PIEZO1: variants seen among roughly 807,000 people sequenced by gnomAD.
The protein encoded by PIEZO1 is piezo-type mechanosensitive ion channel component 1.
A neutral mutation model predicts 297.2 loss-of-function variants in PIEZO1; 296 were observed. That is an observed-to-expected ratio of 1.00 (90% confidence interval 0.91 to 1.10). The LOEUF is 1.10. Ranked by LOEUF, PIEZO1 falls within the 50% of genes least tolerant of loss-of-function variation. PIEZO1 has a pLI of 0.00. For missense variants in PIEZO1, 5,018 were observed against 3,455.5 expected (o/e 1.45, Z -11.34); for synonymous variants, 2,427 against 1,507.5 (o/e 1.61, Z -14.13).
intron 21 of PIEZO1, among the ~76,000 whole-genome samples, 177 bp from the exon 22 acceptor site, chr16:88,732,087 T>C (rs904040674): frequency 9.9e-5 from 15 of 151,934 alleles, no homozygotes; most frequent in African/African-American, 3.1e-4. Context: ...GTTGCCATCG[T>C]GCAGGGGAAA....
At chr16:88,773,491 G>C (rs1220085299) in intron 1 of PIEZO1, among the ~76,000 whole-genome samples, 1 of 152,234 alleles carries the variant, frequency 6.6e-6, no homozygotes, top group Non-Finnish European at 1.5e-5. Flanking sequence ...GGCCTCACTA[G>C]GGGAAGGGTG....
intron 37 of PIEZO1, 23 bp from the exon 38 acceptor site, chr16:88,721,749 C>G (rs936451685): frequency 6.5e-7 from 1 of 1,535,238 alleles, no homozygotes; most frequent in Admixed American, 2.0e-5. Flanking sequence ...GGGCTCAGCA[C>G]GCGGGGAGGG....
chr16:88,759,914 C>T (rs1394464617), intron 1 of PIEZO1, among the ~76,000 whole-genome samples: 1 of 152,150 alleles, frequency 6.6e-6, no homozygotes, highest in Non-Finnish European at 1.5e-5. Flanking sequence ...TGGGGGGCTC[C>T]CCCAATGGAG....
Position 88,716,906 on chromosome 16 carries a change from A to AGGCACGGG in PIEZO1, c.6661-16_6661-9dup, listed in dbSNP as rs1567657174. ...GCTCATGGTGAACAGCGGCTGGGGCAGGCACGGGGACACGGGGCCACGAAG... is the reference window on the plus strand; with the variant it reads ...GCTCATGGTGAACAGCGGCTGGGGCAGGCACGGGGGCACGGGGACACGGGGCCACGAAG... On this transcript the variant is annotated splice_polypyrimidine_tract_variant and intron_variant, in intron 45 of 50. Transcript: ENST00000301015. The AGGCACGGG allele has an allele frequency of 3.2e-6, 5 of 1,549,450 alleles. No individual in the cohort carries two copies. Among genetic ancestry groups the AGGCACGGG allele is most frequent in the East Asian group, 2.4e-5 (1 of 40,904 alleles).
chr16:88,741,259 T>G, intron 5 of PIEZO1: 5 of 488,764 alleles, frequency 1.0e-5, no homozygotes, highest in South Asian at 5.8e-5. Context: ...GCGTGGAGGT[T>G]TCTGACTAGA....
chr16:88,754,711 G>A (rs965544049), intron 1 of PIEZO1, among the ~76,000 whole-genome samples: 24 of 152,326 alleles, frequency 1.6e-4, no homozygotes, highest in African/African-American at 4.6e-4. Context: ...GGGGGGCTCC[G>A]TGAAACAGCC....
Position 88,722,999 on chromosome 16 carries a change from A to G in PIEZO1, c.4506T>C (p.His1502=), listed in dbSNP as rs897871083. The change falls in exon 34 of 51, where the codon CAT becomes CAC. Residue 1502 remains histidine (H), a synonymous_variant. Coordinates refer to ENST00000301015, the MANE Select transcript of PIEZO1 (RefSeq NM_001142864.4). ...CCGTGCTCAGCACCCTCTGCACCAC[A>G]TGGCTCCGGCCTGCGGGAGGGCGGG... ...GPEEAAAGRS[H]VVQRVLSTAQ... 1.6e-6 allele frequency: 2 copies of G among 1,235,038 alleles called. No homozygotes were observed. Among genetic ancestry groups the G allele is most frequent in the Non-Finnish European group, 2.2e-6 (2 of 914,314 alleles). 76.5% of individuals were successfully genotyped at this position (1,235,038 alleles called of 1,614,324 possible).
At chr16:88,771,320 A>G (rs1048609145) in intron 1 of PIEZO1, among the ~76,000 whole-genome samples, 2 of 152,112 alleles carry the variant, frequency 1.3e-5, no homozygotes, top group African/African-American at 4.8e-5. Flanking sequence ...CACCGGCCCA[A>G]TGGTGCTCAG....
At position 88,726,822 on chromosome 16, in the gene PIEZO1, G is replaced by C; in HGVS notation, c.3592C>G (p.Leu1198Val). ...CTCTGCAGCAGGGCCGTGCCGAAGAGCAGCAGGTAGAAGCAGGCCAGCAGG... is the reference window on the plus strand; with the variant it reads ...CTCTGCAGCAGGGCCGTGCCGAAGACCAGCAGGTAGAAGCAGGCCAGCAGG... ...GYLLACFYLLLFGTALLQRDT... is the reference protein window; with the variant it reads ...GYLLACFYLLVFGTALLQRDT... Residue 1198 changes from leucine to valine, a missense_variant, in exon 25 of 51, where the codon CTC (leucine) becomes GTC (valine). By Grantham distance (32) the Leu-to-Val change is conservative. Coordinates refer to ENST00000301015, the MANE Select transcript of PIEZO1 (RefSeq NM_001142864.4). 3 of 1,550,372 alleles carry C rather than the reference G, an allele frequency of 1.9e-6. No homozygotes were observed. The highest frequency in any genetic ancestry group is 1.2e-5 in the South Asian group (1 of 84,066).
At chr16:88,776,715 G>A (rs185941863) in intron 1 of PIEZO1, among the ~76,000 whole-genome samples, 44 of 152,346 alleles carry the variant, frequency 2.9e-4, no homozygotes, top group Admixed American at 1.6e-3. Flanking sequence ...ACCGCAGAAG[G>A]GCCAGGGCTT....
In PIEZO1 at chr16:88,733,680, G is replaced by C. The variant is rs750230820; in HGVS notation, c.2395C>G (p.Leu799Val). The stretch of plus-strand genomic sequence containing the variant: ...CGCAGGAACACCTGCACGCGTGAGA[G>C]GACGTCCGAGAAGCCGGCTGCCAGC... Reference protein sequence around the residue: ...LELAAGFSDVLSRVQVFLRRL... With the variant: ...LELAAGFSDVVSRVQVFLRRL... The change falls in exon 18 of 51, where the codon CTC becomes GTC. Residue 799 changes from leucine to valine, a missense_variant. By Grantham distance (32) the Leu-to-Val change is conservative (BLOSUM62 1). Transcript: ENST00000301015. 14 of 1,549,580 alleles carry C rather than the reference G, an allele frequency of 9.0e-6. No individual in the cohort carries two copies. The Admixed American group carries it at 1.8e-4, about 20-fold the overall frequency.
chr16:88,716,291 C>G lies in PIEZO1; in HGVS notation c.7050-14G>C, dbSNP rs368483543. 112 of 1,489,160 alleles carry G rather than the reference C, an allele frequency of 7.5e-5. 1 individual carries two copies. In the African/African-American group the frequency reaches 1.2e-3, roughly 16 times the overall value. 92.2% of individuals were successfully genotyped at this position (1,489,160 alleles called of 1,614,324 possible). ...TTAGGGATGACCCTGCAGGGAGGTG[C>G]TGGCAGGTCAGGCCTGGCCCAGCCA... On this transcript the variant is annotated splice_polypyrimidine_tract_variant and intron_variant, in intron 48 of 50. Transcript: ENST00000301015.
intron 1 of PIEZO1, among the ~76,000 whole-genome samples, chr16:88,755,497 C>A (rs941632298): frequency 6.6e-6 from 1 of 152,238 alleles, no homozygotes; most frequent in Non-Finnish European, 1.5e-5. Flanking sequence ...TCCCAGGGCA[C>A]GATACGAGCC....
intron 1 of PIEZO1, among the ~76,000 whole-genome samples, chr16:88,751,611 C>G (rs1289137737): frequency 6.6e-6 from 1 of 152,124 alleles, no homozygotes; most frequent in Non-Finnish European, 1.5e-5. Context: ...ATTAACGCAC[C>G]AAGCATAGCC....
At chr16:88,732,857 G>T (rs1033942199) in intron 19 of PIEZO1, 125 bp from the exon 20 acceptor site, 25 of 993,220 alleles carry the variant, frequency 2.5e-5, no homozygotes, top group Middle Eastern at 3.3e-4. Flanking sequence ...CACGGGGGCT[G>T]CCAGCCTTGG....
intron 1 of PIEZO1, among the ~76,000 whole-genome samples, chr16:88,782,500 C>G (rs570318288): frequency 3.3e-5 from 5 of 152,170 alleles, no homozygotes; most frequent in Non-Finnish European, 5.9e-5. Flanking sequence ...GGCCCCTGCT[C>G]CCTGTGGGTG....
rs369984930 is a variant in PIEZO1 at position 88,751,915 on chromosome 16, T to C, written c.65-2436A>G. ...GGTCTGACCTGCCAGGAACGTCCAA[T>C]GCTCAACAAGTGCACCAGGGTTGGG... On this transcript the variant is annotated intron_variant, in intron 1 of 50. Coordinates refer to ENST00000301015, the MANE Select transcript of PIEZO1 (RefSeq NM_001142864.4). Among the ~76,000 whole-genome samples, 9 of 152,102 alleles carry C rather than the reference T, an allele frequency of 5.9e-5. No homozygotes were observed. In the South Asian group the frequency reaches 1.9e-3, roughly 32 times the overall value.
At position 88,719,656 on chromosome 16, in the gene PIEZO1, G is replaced by A. The variant is rs756504647; in HGVS notation, c.6389C>T (p.Thr2130Met). The A allele has an allele frequency of 3.7e-5, 58 of 1,553,920 alleles. No individual in the cohort carries two copies. In the East Asian group the frequency reaches 1.2e-3, roughly 32 times the overall value. The stretch of plus-strand genomic sequence containing the variant: ...ACACATCCAGCTGGACAGGGACAGC[G>A]TGGTGTCCGTCCACACCCAGTCCAT... The part of the protein sequence containing the change: ...AVMDWVWTDT[T>M]LSLSSWMCVE... The change falls in exon 44 of 51, where the codon ACG becomes ATG. Residue 2130 changes from threonine (T) to methionine (M), a missense_variant. Transcript: ENST00000301015.
At position 88,725,017 on chromosome 16, in the gene PIEZO1, T is replaced by A; in HGVS notation, c.4226A>T (p.His1409Leu). 6.7e-7 allele frequency: 1 copy of A among 1,486,330 alleles called. No individual in the cohort carries two copies. The highest frequency in any genetic ancestry group is 8.9e-7 in the Non-Finnish European group (1 of 1,119,210). 92.1% of individuals were successfully genotyped at this position (1,486,330 alleles called of 1,614,324 possible). The change falls in exon 30 of 51, where the codon CAC (histidine) becomes CTC (leucine). Residue 1409 changes from histidine (H) to leucine (L), a missense_variant. Physicochemically the swap from His to Leu is moderately conservative, Grantham distance 99 (BLOSUM62 -3). Transcript: ENST00000301015. Reference protein sequence around the residue: ...RRQWWRPWLDHATVIHSGDYF... With the variant: ...RRQWWRPWLDLATVIHSGDYF... Reference sequence around the variant, plus strand: ...GGCCTAATTGGGGGTACCTGTGGCGTGGTCCAGCCAGGGCCGCCACCACTG... The same window carrying A: ...GGCCTAATTGGGGGTACCTGTGGCGAGGTCCAGCCAGGGCCGCCACCACTG...
Sources: allele counts gnomAD v4.1 joint callset (sites outside exome capture counted in the v4.1 genomes callset), GRCh38; gene constraint gnomAD v4.1.1; transcripts MANE v1.5; gene names NCBI Gene and HGNC (gene_info 2026-07-23, HGNC 2026-07-21).